Variants in SLC1A2 observed in about 807,000 individuals in gnomAD.
SLC1A2 encodes excitatory amino acid transporter 2.
Under a neutral mutation model 48.8 loss-of-function variants are expected in SLC1A2, and 15 were observed. That is an observed-to-expected ratio of 0.31 (90% CI 0.21 to 0.47). SLC1A2 has a LOEUF of 0.47. Ranked by LOEUF, SLC1A2 falls within the 20% of genes least tolerant of loss-of-function variation. The pLI, the probability that SLC1A2 is intolerant of heterozygous loss-of-function variation, is 0.99. For synonymous variants in SLC1A2, 279 were observed against 272.6 expected (o/e 1.02, Z -0.23); for missense variants, 502 against 730.5 (o/e 0.69, Z 3.61).
chr11:35,271,626 G>GAGGTCAGGTGTTTGAGATCAGCCTGGC (rs1241572314), intron 9 of SLC1A2, among the ~76,000 whole-genome samples: 12 of 152,220 alleles, frequency 7.9e-5, no homozygotes, highest in African/African-American at 2.9e-4. Flanking sequence ...GGTGGATCAT[G>GAGGTCAGGTGTTTGAGATCAGCCTGGC]AGGTCAGGTG....
intron 1 of SLC1A2, among the ~76,000 whole-genome samples, chr11:35,414,028 G>A (rs996177178): frequency 2.0e-5 from 3 of 152,178 alleles, no homozygotes; most frequent in Non-Finnish European, 4.4e-5. Context: ...CACAGATCAA[G>A]TCTAGCCATC....
intron 1 of SLC1A2, among the ~76,000 whole-genome samples, chr11:35,325,749 G>T (rs918815355): frequency 6.6e-6 from 1 of 152,036 alleles, no homozygotes; most frequent in Non-Finnish European, 1.5e-5. Flanking sequence ...GATTGCCTGA[G>T]GTCAGGAGTT....
At chr11:35,332,490 T>C (rs1468985009) in intron 1 of SLC1A2, among the ~76,000 whole-genome samples, 12 of 152,254 alleles carry the variant, frequency 7.9e-5, no homozygotes, top group Admixed American at 7.9e-4. Context: ...GAATCCTCTA[T>C]ATAATGACAT....
chr11:35,412,344 A>G (rs1402611195), intron 1 of SLC1A2, among the ~76,000 whole-genome samples: 2 of 152,192 alleles, frequency 1.3e-5, no homozygotes, highest in African/African-American at 2.4e-5. Context: ...AACACTGTAG[A>G]TATATGTCAA....
chr11:35,286,712 GA>G, intron 8 of SLC1A2, 44 bp downstream of exon 8: 1 of 1,453,426 alleles, frequency 6.9e-7, no homozygotes, highest in Non-Finnish European at 9.4e-7. Context: ...GTGTGGAGGG[GA>G]AACAGGGTAG....
intron 9 of SLC1A2, among the ~76,000 whole-genome samples, chr11:35,267,774 GA>G (rs11343973): frequency 0.38 from 56,399 of 146,526 alleles, 10,683 homozygotes; most frequent in South Asian, 0.54. Flanking sequence ...GTCAAATGGG[GA>G]AAAAAAAAAA....
chr11:35,349,215 A>T (rs1853152263), intron 1 of SLC1A2, among the ~76,000 whole-genome samples: 2 of 152,218 alleles, frequency 1.3e-5, no homozygotes, highest in South Asian at 4.1e-4. Context: ...TGAGGTGTGG[A>T]CGATACAGAT....
intron 7 of SLC1A2, among the ~76,000 whole-genome samples, chr11:35,290,705 A>G (rs1429955187): frequency 8.3e-6 from 1 of 120,414 alleles, no homozygotes; most frequent in Non-Finnish European, 1.8e-5. Context: ...ATAAAATTAA[A>G]CCAGGTTGGG....
chr11:35,371,129 C>G (rs911802104), intron 1 of SLC1A2: 5 of 968,372 alleles, frequency 5.2e-6, no homozygotes, highest in African/African-American at 1.8e-5. Flanking sequence ...CAGTGAGAAC[C>G]CTTTGCCTCA....
At chr11:35,409,138 A>C (rs1028982170) in intron 1 of SLC1A2, among the ~76,000 whole-genome samples, 1 of 152,230 alleles carries the variant, frequency 6.6e-6, no homozygotes, top group African/African-American at 2.4e-5. Flanking sequence ...TGTGTACAAA[A>C]GTGTTCTTTC....
chr11:35,256,615 T>C lies in SLC1A2; in HGVS notation c.*4279A>G, dbSNP rs1468010143. The C allele has an allele frequency of 6.6e-6, 1 of 152,272 alleles. No individual in the cohort carries two copies. Among genetic ancestry groups the C allele is most frequent in the Non-Finnish European group, 1.5e-5 (1 of 68,006 alleles). The allele number at this position is 152,272 out of a possible 1,614,324, so 9.4% of individuals were successfully genotyped here. Reference sequence around the variant, plus strand: ...CACTCCAGAATTCCTTCAGGCTGTTTTTTTTTTAACTTAGTCTTCTTCTGC... The same window carrying C: ...CACTCCAGAATTCCTTCAGGCTGTTCTTTTTTTAACTTAGTCTTCTTCTGC... On this transcript the variant is annotated 3_prime_UTR_variant, in exon 11 of 11. Coordinates refer to ENST00000278379, the MANE Select transcript of SLC1A2 (RefSeq NM_004171.4).
chr11:35,376,236 G>T (rs551699329), intron 1 of SLC1A2, among the ~76,000 whole-genome samples: 3 of 150,788 alleles, frequency 2.0e-5, no homozygotes, highest in Non-Finnish European at 3.0e-5. Context: ...ATCATGAAAA[G>T]ACATGGAAAG....
intron 9 of SLC1A2, among the ~76,000 whole-genome samples, chr11:35,278,467 C>T (rs944713630): frequency 6.6e-6 from 1 of 151,624 alleles, no homozygotes; most frequent in Admixed American, 6.6e-5. Flanking sequence ...TTGGTAGAGA[C>T]GGGGTTTCTC....
intron 1 of SLC1A2, among the ~76,000 whole-genome samples, chr11:35,417,304 T>C (rs1284129326): frequency 1.3e-5 from 2 of 152,222 alleles, no homozygotes; most frequent in African/African-American, 4.8e-5. Flanking sequence ...TAAACTTACT[T>C]AGTTTGGGGT....
intron 10 of SLC1A2, among the ~76,000 whole-genome samples, chr11:35,262,204 C>T (rs893866270): frequency 2.6e-5 from 4 of 152,184 alleles, no homozygotes; most frequent in Admixed American, 6.5e-5. Flanking sequence ...GTTGTCTGTT[C>T]ACTATAACCT....
At chr11:35,367,348 G>T (rs1853886887) in intron 1 of SLC1A2, among the ~76,000 whole-genome samples, 1 of 152,170 alleles carries the variant, frequency 6.6e-6, no homozygotes, top group African/African-American at 2.4e-5. Flanking sequence ...TCACACTGCA[G>T]TTGCTCTCAG....
At chr11:35,373,646 G>A (rs1854130130) in intron 1 of SLC1A2, among the ~76,000 whole-genome samples, 1 of 152,216 alleles carries the variant, frequency 6.6e-6, no homozygotes, top group African/African-American at 2.4e-5. Context: ...CAAGGTGAGG[G>A]GCTGTGGGTG....
intron 1 of SLC1A2, among the ~76,000 whole-genome samples, chr11:35,340,036 C>T (rs116715854): frequency 0.026 from 3,895 of 152,304 alleles, 156 homozygotes; most frequent in African/African-American, 0.089. Flanking sequence ...ACCCCATTTC[C>T]TCAGGCTTTC....
intron 1 of SLC1A2, among the ~76,000 whole-genome samples, chr11:35,406,855 A>G (rs1053022487): frequency 6.6e-6 from 1 of 152,168 alleles, no homozygotes. Flanking sequence ...AGAACCTAGA[A>G]AAAAGGCCTG....
Sources: gnomAD v4.1 joint callset for allele counts (sites outside exome capture counted in the v4.1 genomes callset) on GRCh38, gnomAD v4.1.1 for gene constraint, MANE v1.5 for transcripts, NCBI Gene and HGNC (gene_info 2026-07-23, HGNC 2026-07-21) for gene names.